ARHGEF4: variants seen among roughly 807,000 people sequenced by gnomAD.
ARHGEF4 encodes the protein Rho guanine nucleotide exchange factor 4.
Under a neutral mutation model 162.0 loss-of-function variants are expected in ARHGEF4, and 119 were observed. That is an observed-to-expected ratio of 0.73 (90% CI 0.63 to 0.86). The LOEUF is 0.86. Among genes scored for constraint, ARHGEF4 ranks in the 40% least tolerant of loss-of-function variants. The pLI, the probability that ARHGEF4 is intolerant of heterozygous loss-of-function variation, is 0.00. For missense variants in ARHGEF4, 2,488 were observed against 2,456.0 expected (o/e 1.01, Z -0.28); for synonymous variants, 1,014 against 979.9 (o/e 1.03, Z -0.65).
At chr2:130,979,437 A>T (rs1318188942) in intron 4 of ARHGEF4, among the ~76,000 whole-genome samples, 1 of 152,268 alleles carries the variant, frequency 6.6e-6, no homozygotes, top group Non-Finnish European at 1.5e-5. Context: ...AAAAGACTGA[A>T]TTTAAAACTT....
chr2:130,922,242 A>G (rs1456109419), intron 2 of ARHGEF4, among the ~76,000 whole-genome samples: 1 of 151,746 alleles, frequency 6.6e-6, no homozygotes. Flanking sequence ...ATGGTGGCGC[A>G]TGCATATAAT....
In ARHGEF4 at chr2:130,914,444, C is replaced by T. The variant is rs922843433; in HGVS notation, c.498C>T (p.Thr166=). Residue 166 remains threonine (T), a synonymous_variant, in exon 2 of 14, where the codon ACC becomes ACT. Coordinates refer to ENST00000409359, the MANE Select transcript of ARHGEF4 (RefSeq NM_001367493.1). The part of the protein sequence containing the change: ...QEAGHLWDCA[T]SLERESLLAG... ...CAGGACACCTCTGGGACTGCGCGAC[C>T]AGCCTGGAGCGAGAGTCTTTGCTGG... 8 of 1,435,130 alleles carry T rather than the reference C, an allele frequency of 5.6e-6. No homozygotes were observed. The highest frequency in any genetic ancestry group is 1.4e-5 in the African/African-American group (1 of 69,662). The allele number at this position is 1,435,130 out of a possible 1,614,324, so 88.9% of individuals were successfully genotyped here.
chr2:130,981,709 C>T (rs906133032), intron 4 of ARHGEF4, among the ~76,000 whole-genome samples: 78 of 151,814 alleles, frequency 5.1e-4, no homozygotes, highest in Admixed American at 2.3e-3. Context: ...GAAACAGACC[C>T]CCCATTCTTT....
chr2:130,989,840 C>A (rs1558815119), intron 4 of ARHGEF4, among the ~76,000 whole-genome samples: 1 of 152,222 alleles, frequency 6.6e-6, no homozygotes, highest in Non-Finnish European at 1.5e-5. Flanking sequence ...GTTATCTAAT[C>A]TGGAGCCTGA....
Position 130,956,380 on chromosome 2 carries a change from A to G in ARHGEF4, c.3985+9745A>G, listed in dbSNP as rs1027609933. On this transcript the variant is annotated intron_variant, in intron 4 of 13. Transcript: ENST00000409359. ...CTTTTACACTGTTGGTGGGACTGTAAACTAGTTCAACCATTGTGGAAGTCA... is the reference window on the plus strand; with the variant it reads ...CTTTTACACTGTTGGTGGGACTGTAGACTAGTTCAACCATTGTGGAAGTCA... 7.0e-4 allele frequency among the ~76,000 whole-genome samples: 107 copies of G among 152,106 alleles called. 2 individuals are homozygous for G. Among genetic ancestry groups the G allele is most frequent in the Admixed American group, 1.8e-3 (27 of 15,272 alleles).
Position 130,946,667 on chromosome 2 carries a change from A to T in ARHGEF4, c.3985+32A>T, listed in dbSNP as rs769927755. 7 of 1,611,930 alleles carry T rather than the reference A, an allele frequency of 4.3e-6. No individual in the cohort carries two copies. The African/African-American group carries it at 8.0e-5, about 18-fold the overall frequency. On this transcript the variant is annotated intron_variant, in intron 4 of 13. Coordinates refer to ENST00000409359, the MANE Select transcript of ARHGEF4 (RefSeq NM_001367493.1). The stretch of plus-strand genomic sequence containing the variant: ...TACGCGCCTCTCTCTTTTGCTATGT[A>T]CTCTGGATCCTGGCATGAAGGACAA...
chr2:130,976,718 G>A (rs1685740036), intron 4 of ARHGEF4, among the ~76,000 whole-genome samples: 1 of 152,238 alleles, frequency 6.6e-6, no homozygotes, highest in Admixed American at 6.5e-5. Flanking sequence ...CTCAGACTGG[G>A]GGCAAGAGCT....
chr2:130,961,482 G>T (rs984507800), intron 4 of ARHGEF4, among the ~76,000 whole-genome samples: 5 of 152,176 alleles, frequency 3.3e-5, no homozygotes, highest in African/African-American at 9.6e-5. Flanking sequence ...TGTGGCAGAA[G>T]TGCAGGGAGC....
At chr2:130,971,938 T>A (rs531709167) in intron 4 of ARHGEF4, among the ~76,000 whole-genome samples, 1 of 152,330 alleles carries the variant, frequency 6.6e-6, no homozygotes, top group South Asian at 2.1e-4. Context: ...GTGACTTTCC[T>A]AAGTAAAATC....
At chr2:130,975,624 T>A (rs1283703643) in intron 4 of ARHGEF4, among the ~76,000 whole-genome samples, 1 of 152,100 alleles carries the variant, frequency 6.6e-6, no homozygotes, top group Non-Finnish European at 1.5e-5. Flanking sequence ...GTCCCACCTG[T>A]GCCGCCCAGA....
chr2:130,962,240 A>G (rs929952931), intron 4 of ARHGEF4, among the ~76,000 whole-genome samples: 15 of 147,138 alleles, frequency 1.0e-4, no homozygotes, highest in Non-Finnish European at 2.0e-4. Flanking sequence ...TCCGTTTCAA[A>G]AAAAAAAAAA....
Position 131,041,402 on chromosome 2 carries a change from A to T in ARHGEF4, c.4835A>T (p.Lys1612Met), listed in dbSNP as rs1300173173. Reference sequence around the variant, plus strand: ...GGCTTCCTGCTGACTCCGGTGCAGAAGATCTGCAAGTACCCTCTGCAGCTG... The same window carrying T: ...GGCTTCCTGCTGACTCCGGTGCAGATGATCTGCAAGTACCCTCTGCAGCTG... ...LDGFLLTPVQ[K>M]ICKYPLQLAE... The change falls in exon 9 of 14, where the codon AAG becomes ATG. Residue 1612 changes from lysine (K) to methionine (M), a missense_variant. Transcript: ENST00000409359. 6 of 1,613,270 alleles carry T rather than the reference A, an allele frequency of 3.7e-6. No individual in the cohort carries two copies. Among genetic ancestry groups the T allele is most frequent in the Non-Finnish European group, 3.4e-6 (4 of 1,180,040 alleles).
At chr2:130,949,958 G>T (rs1683851290) in intron 4 of ARHGEF4, among the ~76,000 whole-genome samples, 1 of 152,198 alleles carries the variant, frequency 6.6e-6, no homozygotes, top group South Asian at 2.1e-4. Context: ...CTCTTTTGAG[G>T]CTTTTTATTA....
At chr2:130,853,434 C>T (rs1220844474) in intron 1 of ARHGEF4, among the ~76,000 whole-genome samples, 2 of 152,190 alleles carry the variant, frequency 1.3e-5, no homozygotes, top group African/African-American at 4.8e-5. Flanking sequence ...CTCGTGCAGC[C>T]ACCTCTCCCT....
At chr2:130,966,827 C>T (rs1454708084) in intron 4 of ARHGEF4, among the ~76,000 whole-genome samples, 1 of 152,248 alleles carries the variant, frequency 6.6e-6, no homozygotes, top group East Asian at 1.9e-4. Context: ...CTAATCACCT[C>T]TAAAATGCCA....
At chr2:130,971,806 G>T (rs1388004732) in intron 4 of ARHGEF4, among the ~76,000 whole-genome samples, 4 of 152,182 alleles carry the variant, frequency 2.6e-5, no homozygotes, top group Non-Finnish European at 5.9e-5. Context: ...TCATACATCT[G>T]AGGCGAGGCG....
At chr2:130,848,271 G>T (rs113193842) in intron 1 of ARHGEF4, among the ~76,000 whole-genome samples, 1 of 152,172 alleles carries the variant, frequency 6.6e-6, no homozygotes, top group Non-Finnish European at 1.5e-5. Context: ...GGCCAGGATC[G>T]CGTCTGAACC....
chr2:130,881,306 G>A (rs940605869), intron 1 of ARHGEF4, among the ~76,000 whole-genome samples: 23 of 152,286 alleles, frequency 1.5e-4, no homozygotes, highest in African/African-American at 5.1e-4. Flanking sequence ...GAGCCACCGC[G>A]CCCTGCAAAT....
chr2:130,919,389 G>A (rs758012644), intron 2 of ARHGEF4, among the ~76,000 whole-genome samples: 1 of 152,186 alleles, frequency 6.6e-6, no homozygotes, highest in African/African-American at 2.4e-5. Flanking sequence ...ACACTCAACA[G>A]CAGTATCTGA....
Sources: gnomAD v4.1 joint callset for allele counts (sites outside exome capture counted in the v4.1 genomes callset) on GRCh38, gnomAD v4.1.1 for gene constraint, MANE v1.5 for transcripts, NCBI Gene and HGNC (gene_info 2026-07-23, HGNC 2026-07-21) for gene names.